The following CACNA1D variants were observed in gnomAD, a reference collection of about 807,000 sequenced individuals.
CACNA1D encodes the protein voltage-dependent L-type calcium channel subunit alpha-1D.
Under a neutral mutation model 257.1 loss-of-function variants are expected in CACNA1D, and 55 were observed. The observed-to-expected ratio is 0.21, with a 90% CI of 0.17 to 0.27. The LOEUF (loss-of-function observed/expected upper bound fraction) is 0.27, where lower values mean the gene tolerates loss of function less well. Ranked by LOEUF, CACNA1D falls within the 10% of genes least tolerant of loss-of-function variation. CACNA1D has a pLI of 1.00. For synonymous variants in CACNA1D, 980 were observed against 1,014.9 expected (o/e 0.97, Z 0.65); for missense variants, 1,876 against 2,784.0 (o/e 0.67, Z 7.34).
intron 40 of CACNA1D, among the ~76,000 whole-genome samples, chr3:53,799,242 A>C (rs1049808699): frequency 6.6e-6 from 1 of 152,212 alleles, no homozygotes; most frequent in African/African-American, 2.4e-5. Flanking sequence ...AGTCCCTATT[A>C]GTCTTTAACT....
At chr3:53,719,085 G>T (rs2094854432) in intron 10 of CACNA1D, among the ~76,000 whole-genome samples, 1 of 152,176 alleles carries the variant, frequency 6.6e-6, no homozygotes, top group Admixed American at 6.5e-5. Context: ...CCGTGGGGGA[G>T]CCCTGTGCGG....
At chr3:53,540,822 A>G (rs911874685) in intron 3 of CACNA1D, among the ~76,000 whole-genome samples, 32 of 151,806 alleles carry the variant, frequency 2.1e-4, no homozygotes, top group African/African-American at 7.5e-4. Flanking sequence ...GCTCACTGCT[A>G]CCTCCGCCTC....
At chr3:53,744,302 T>C (rs1042619031) in intron 22 of CACNA1D, among the ~76,000 whole-genome samples, 16 of 145,312 alleles carry the variant, frequency 1.1e-4, no homozygotes, top group African/African-American at 4.1e-4. Flanking sequence ...TGTGCCACAC[T>C]GGGTTGGGAT....
intron 8 of CACNA1D, among the ~76,000 whole-genome samples, chr3:53,686,025 A>G (rs1162223764): frequency 2.0e-5 from 3 of 152,104 alleles, no homozygotes; most frequent in African/African-American, 7.2e-5. Context: ...AGAGCAAATT[A>G]CCAGTTTTAT....
In CACNA1D at chr3:53,682,391, A is replaced by AAAAAAAAAC. The variant is rs2094440667; in HGVS notation, c.1220+9270_1220+9271insAAACAAAAA. 2.8e-5 allele frequency among the ~76,000 whole-genome samples: 4 copies of AAAAAAAAAC among 140,968 alleles called. No individual in the cohort carries two copies. In the East Asian group the frequency reaches 6.8e-4, roughly 24 times the overall value. 92.5% of individuals were successfully genotyped at this position (140,968 alleles called of 152,430 possible). A position where few individuals can be genotyped will look rare whatever the true frequency, so the allele number is the denominator to read the frequency against. ...AAAAAAAAAAAAAAAAAAAAAAAAA[A>AAAAAAAAAC]AAAAACAGAAGTCTTTTTAGCTGGG... is the stretch of plus-strand genomic sequence containing the variant. On this transcript the variant is annotated intron_variant, in intron 8 of 47. Transcript: ENST00000350061.
At chr3:53,749,607 C>T (rs1410480682) in intron 27 of CACNA1D, 138 bp downstream of exon 27, 9 of 693,644 alleles carry the variant, frequency 1.3e-5, no homozygotes, top group African/African-American at 8.9e-5. Flanking sequence ...GTTCTAAGCA[C>T]ACCCTCAGCC....
intron 3 of CACNA1D, among the ~76,000 whole-genome samples, chr3:53,572,387 T>C (rs2092962741): frequency 8.2e-6 from 1 of 122,198 alleles, no homozygotes; most frequent in African/African-American, 3.1e-5. Flanking sequence ...TATTTATTTA[T>C]TTATTTATTT....
chr3:53,746,345 C>T (rs2095168915), intron 25 of CACNA1D, among the ~76,000 whole-genome samples: 1 of 152,290 alleles, frequency 6.6e-6, no homozygotes, highest in Non-Finnish European at 1.5e-5. Flanking sequence ...TAGACTTCCT[C>T]TCTCCTGGCT....
In CACNA1D at chr3:53,749,258, C is replaced by T; in HGVS notation, c.3315-10C>T. On this transcript the variant is annotated splice_polypyrimidine_tract_variant and intron_variant, in intron 26 of 47. Transcript: ENST00000350061. ...CTTGGCAGGTCCTCACTTGGTTTTTCTCTCTCTAGGTTGCTGTATAAAGCC... is the reference window on the plus strand; with the variant it reads ...CTTGGCAGGTCCTCACTTGGTTTTTTTCTCTCTAGGTTGCTGTATAAAGCC... The T allele has an allele frequency of 6.2e-7, 1 of 1,609,974 alleles. No homozygotes were observed. The highest frequency in any genetic ancestry group is 8.5e-7 in the Non-Finnish European group (1 of 1,176,352).
At chr3:53,797,094 G>A (rs1291939258) in intron 40 of CACNA1D, among the ~76,000 whole-genome samples, 1 of 152,024 alleles carries the variant, frequency 6.6e-6, no homozygotes, top group Non-Finnish European at 1.5e-5. Context: ...TTTTTTTTAG[G>A]GCTGTGGAAA....
intron 3 of CACNA1D, among the ~76,000 whole-genome samples, chr3:53,635,799 C>G (rs994611698): frequency 6.6e-6 from 1 of 152,212 alleles, no homozygotes; most frequent in South Asian, 2.1e-4. Context: ...CCTGGTTCCA[C>G]CCATTCTCCT....
At chr3:53,655,106 A>G (rs145899574) in intron 4 of CACNA1D, among the ~76,000 whole-genome samples, 1,980 of 152,288 alleles carry the variant, frequency 0.013, 46 homozygotes, top group African/African-American at 0.045. Context: ...GCTAAGGATA[A>G]TGGCCTCCAG....
chr3:53,547,851 C>T (rs1024481728), intron 3 of CACNA1D, among the ~76,000 whole-genome samples: 1 of 152,170 alleles, frequency 6.6e-6, no homozygotes, highest in Non-Finnish European at 1.5e-5. Context: ...GCTATGAGGT[C>T]CTGCCTATGC....
intron 32 of CACNA1D, among the ~76,000 whole-genome samples, chr3:53,771,575 C>T (rs2109009717): frequency 6.6e-6 from 1 of 152,298 alleles, no homozygotes; most frequent in African/African-American, 2.4e-5. Context: ...AAGTGGGGGC[C>T]TCAGGCAGGT....
At position 53,494,952 on chromosome 3, in the gene CACNA1D, AAGAG is replaced by A. The variant is rs1034969014; in HGVS notation, c.-210_-207del. On this transcript the variant is annotated 5_prime_UTR_variant, in exon 1 of 48. Transcript: ENST00000350061. Reference sequence around the variant, plus strand: ...AGTTTATTTTGCTCCATTTTTGAAAAAGAGAGAGCTTGGGTGGCGAGCGGTTTTT... The same window carrying A: ...AGTTTATTTTGCTCCATTTTTGAAAAAGAGCTTGGGTGGCGAGCGGTTTTT... 199 of 579,584 alleles carry A rather than the reference AAGAG, an allele frequency of 3.4e-4. No homozygotes were observed. The highest frequency in any genetic ancestry group is 4.5e-4 in the Non-Finnish European group (147 of 324,756). 35.9% of individuals were successfully genotyped at this position (579,584 alleles called of 1,614,324 possible). A position where few individuals can be genotyped will look rare whatever the true frequency, so the allele number is the denominator to read the frequency against.
At chr3:53,662,957 C>A (rs1035499409) in intron 5 of CACNA1D, among the ~76,000 whole-genome samples, 4 of 152,170 alleles carry the variant, frequency 2.6e-5, no homozygotes, top group African/African-American at 7.2e-5. Flanking sequence ...GGGATTGGAA[C>A]GGGTGTCGTC....
intron 3 of CACNA1D, among the ~76,000 whole-genome samples, chr3:53,588,558 C>T (rs2093255217): frequency 6.6e-6 from 1 of 152,146 alleles, no homozygotes; most frequent in Admixed American, 6.5e-5. Context: ...AGGTGACTGA[C>T]AGATCTGTGC....
At position 53,723,323 on chromosome 3, in the gene CACNA1D, G is replaced by A; in HGVS notation, c.1667-111G>A. 5.0e-6 allele frequency: 4 copies of A among 803,930 alleles called. No homozygotes were observed. The highest frequency in any genetic ancestry group is 2.6e-4 in the Middle Eastern group (1 of 3,826). The allele number at this position is 803,930 out of a possible 1,614,324, so 49.8% of individuals were successfully genotyped here. ...AGTGAGGTAGTGAAGAGAGAGACAA[G>A]GTATTGGCGTATTTCCTGTGGGGCC... On this transcript the variant is annotated intron_variant, in intron 12 of 47. Coordinates refer to ENST00000350061, the MANE Select transcript of CACNA1D (RefSeq NM_001128840.3). The surrounding 1 kb of genome is among the most constrained non-coding windows in gnomAD (Gnocchi z 5.6).
At chr3:53,583,493 C>T (rs570665165) in intron 3 of CACNA1D, among the ~76,000 whole-genome samples, 2 of 152,190 alleles carry the variant, frequency 1.3e-5, no homozygotes, top group Non-Finnish European at 2.9e-5. Context: ...TGTGCCTCTT[C>T]ACATGTTCCA....
Sources: gnomAD v4.1 joint callset for allele counts (sites outside exome capture counted in the v4.1 genomes callset) on GRCh38, gnomAD v4.1.1 for gene constraint, Gnocchi (gnomAD v3.1) non-coding constraint, MANE v1.5 for transcripts, NCBI Gene and HGNC (gene_info 2026-07-23, HGNC 2026-07-21) for gene names.